NECTIN1: variants seen among roughly 807,000 people sequenced by gnomAD.
NECTIN1 encodes nectin-1.
In NECTIN1, 23 loss-of-function variants were observed where a neutral mutation model predicts 48.0. That is an observed-to-expected ratio of 0.48 (90% CI 0.34 to 0.68). The LOEUF (loss-of-function observed/expected upper bound fraction) is 0.68. Among genes scored for constraint, NECTIN1 ranks in the 30% least tolerant of loss-of-function variants. The pLI is 0.01. For synonymous variants in NECTIN1, 270 were observed against 288.9 expected (o/e 0.93, Z 0.66); for missense variants, 591 against 709.9 (o/e 0.83, Z 1.90).
intron 1 of NECTIN1, among the ~76,000 whole-genome samples, chr11:119,689,266 C>T (rs541326766): frequency 6.6e-6 from 1 of 152,226 alleles, no homozygotes; most frequent in Non-Finnish European, 1.5e-5. Flanking sequence ...TTTCTTTGAA[C>T]ATAGGAGGGC....
At chr11:119,716,838 A>C (rs897284646) in intron 1 of NECTIN1, among the ~76,000 whole-genome samples, 1 of 152,246 alleles carries the variant, frequency 6.6e-6, no homozygotes, top group East Asian at 1.9e-4. Flanking sequence ...AATCAGAAGC[A>C]GGCGCGTGCA....
intron 5 of NECTIN1, chr11:119,674,611 G>A: frequency 6.2e-7 from 1 of 1,614,208 alleles, no homozygotes; most frequent in South Asian, 1.1e-5. Flanking sequence ...CCTAGCTCTT[G>A]TCCTCCCTTT....
Position 119,663,212 on chromosome 11 carries a change from C to G in NECTIN1, c.*1535G>C, listed in dbSNP as rs1343766184. 1 of 985,354 alleles carries G rather than the reference C, an allele frequency of 1.0e-6. No homozygotes were observed. Among genetic ancestry groups the G allele is most frequent in the Non-Finnish European group, 1.2e-6 (1 of 829,956 alleles). The allele number at this position is 985,354 out of a possible 1,614,324, so 61.0% of individuals were successfully genotyped here. On this transcript the variant is annotated 3_prime_UTR_variant, in exon 6 of 6. Transcript: ENST00000264025. ...GGGCCGCGAAGCCTGCCTCTCCATC[C>G]CAGGGTCCTTCCCATGGGCATGCCT...
At chr11:119,700,690 T>C (rs1181514341) in intron 1 of NECTIN1, among the ~76,000 whole-genome samples, 1 of 152,174 alleles carries the variant, frequency 6.6e-6, no homozygotes. Context: ...TGGCGGGATA[T>C]GAAACAGAAT....
At chr11:119,652,233 C>T (rs757283081) in intron 5 of NECTIN1, among the ~76,000 whole-genome samples, 11 of 152,192 alleles carry the variant, frequency 7.2e-5, no homozygotes, top group African/African-American at 2.2e-4. Flanking sequence ...GAACCCCACC[C>T]GGTGTGGTCA....
intron 1 of NECTIN1, 37 bp downstream of exon 1, chr11:119,728,437 TG>T: frequency 6.4e-7 from 1 of 1,552,150 alleles, no homozygotes; most frequent in Non-Finnish European, 8.7e-7. Context: ...GGGGAGGCAT[TG>T]GATGGGGGTG....
intron 5 of NECTIN1, among the ~76,000 whole-genome samples, chr11:119,646,841 C>T (rs929667826): frequency 6.6e-5 from 10 of 152,348 alleles, no homozygotes; most frequent in South Asian, 6.2e-4. Context: ...TGAGCCTCAA[C>T]GTTTTCGTCT....
chr11:119,697,795 A>G (rs1480244175), intron 1 of NECTIN1, among the ~76,000 whole-genome samples: 1 of 152,160 alleles, frequency 6.6e-6, no homozygotes, highest in East Asian at 1.9e-4. Context: ...CTCAACTGGA[A>G]CCCTCTCTTA....
At chr11:119,712,133 C>G (rs938795835) in intron 1 of NECTIN1, among the ~76,000 whole-genome samples, 1 of 152,182 alleles carries the variant, frequency 6.6e-6, no homozygotes, top group Non-Finnish European at 1.5e-5. Flanking sequence ...GCTTGGACTG[C>G]GCACAGGTCA....
chr11:119,682,657 T>C (rs1230282633), intron 1 of NECTIN1, among the ~76,000 whole-genome samples: 4 of 152,164 alleles, frequency 2.6e-5, no homozygotes, highest in African/African-American at 7.2e-5. Flanking sequence ...ACCTGCCCTA[T>C]AAAACTGCGT....
At chr11:119,680,434 A>AG (rs1865039714) in intron 1 of NECTIN1, among the ~76,000 whole-genome samples, 3 of 152,178 alleles carry the variant, frequency 2.0e-5, no homozygotes, top group Admixed American at 6.5e-5. Flanking sequence ...TGACCCCCCA[A>AG]GGGAGTCTGG....
chr11:119,709,653 TGGGGCTG>T lies in NECTIN1; in HGVS notation c.79+18815_79+18821del, dbSNP rs755387928. ...AGCCTGAAAGGAGCCTGGGAAAGAC[TGGGGCTG>T]GGGGCTGGGGGCTGGGAGAGGAGAG... On this transcript the variant is annotated intron_variant, in intron 1 of 5. Coordinates refer to ENST00000264025, the MANE Select transcript of NECTIN1 (RefSeq NM_002855.5). The surrounding 1 kb of genome is among the most constrained non-coding windows in gnomAD (Gnocchi z 4.1). Among the ~76,000 whole-genome samples, 11 of 145,036 alleles carry T rather than the reference TGGGGCTG, an allele frequency of 7.6e-5. No individual in the cohort carries two copies. The highest frequency in any genetic ancestry group is 1.4e-4 in the Non-Finnish European group (9 of 66,262).
Position 119,675,235 on chromosome 11 carries a change from G to C in NECTIN1, c.927C>G (p.Ser309Arg), listed in dbSNP as rs762132456. The C allele has an allele frequency of 3.2e-5, 52 of 1,614,050 alleles. No homozygotes were observed. In the Middle Eastern group the frequency reaches 1.5e-3, roughly 46 times the overall value. ...TLFFKGPINY[S>R]LAGTYICEAT... ...CCTCACAGATGTAGGTCCCTGCCAG[G>C]CTGTAGTTGATGGGTCCCTTGAAGA... is the stretch of plus-strand genomic sequence containing the variant. Residue 309 changes from serine (S) to arginine (R), a missense_variant, in exon 5 of 6, where the codon AGC (serine) becomes AGG (arginine). By Grantham distance (110) the Ser-to-Arg change is moderately radical. Coordinates refer to ENST00000264025, the MANE Select transcript of NECTIN1 (RefSeq NM_002855.5).
At position 119,664,193 on chromosome 11, in the gene NECTIN1, C is replaced by A. The variant is rs369160682; in HGVS notation, c.*554G>T. 1 of 986,942 alleles carries A rather than the reference C, an allele frequency of 1.0e-6. No individual in the cohort carries two copies. The highest frequency in any genetic ancestry group is 1.2e-6 in the Non-Finnish European group (1 of 830,870). The allele number at this position is 986,942 out of a possible 1,614,324, so 61.1% of individuals were successfully genotyped here. On this transcript the variant is annotated 3_prime_UTR_variant, in exon 6 of 6. Coordinates refer to ENST00000264025, the MANE Select transcript of NECTIN1 (RefSeq NM_002855.5). Reference sequence around the variant, plus strand: ...GGAACTGGGGAGAAGCCGCACCCCTCCCCCTACCTCTTGGGCGCACCAGCT... The same window carrying A: ...GGAACTGGGGAGAAGCCGCACCCCTACCCCTACCTCTTGGGCGCACCAGCT...
At chr11:119,660,791 T>G (rs1185677413), downstream of NECTIN1, among the ~76,000 whole-genome samples, 2 of 152,102 alleles carry the variant, frequency 1.3e-5, no homozygotes, top group Admixed American at 1.3e-4. Context: ...AAGTCCATGG[T>G]CTTCTCACTT....
intron 1 of NECTIN1, among the ~76,000 whole-genome samples, chr11:119,723,301 G>A (rs993560944): frequency 6.6e-6 from 1 of 151,892 alleles, no homozygotes; most frequent in Admixed American, 6.6e-5. Context: ...AATTGGTAGA[G>A]GTGGGATTCC....
At chr11:119,707,492 C>T (rs1865569348) in intron 1 of NECTIN1, among the ~76,000 whole-genome samples, 1 of 152,102 alleles carries the variant, frequency 6.6e-6, no homozygotes, top group Non-Finnish European at 1.5e-5. Flanking sequence ...CCATGACACT[C>T]CACAAGGCTG....
At chr11:119,702,320 C>A (rs943891821) in intron 1 of NECTIN1, among the ~76,000 whole-genome samples, 9 of 152,214 alleles carry the variant, frequency 5.9e-5, no homozygotes, top group African/African-American at 2.2e-4. Context: ...CTGGGAAATT[C>A]GTCCTGTGGT....
Position 119,661,287 on chromosome 11 carries a change from G to T in NECTIN1, c.*3460C>A. 4.1e-6 allele frequency: 4 copies of T among 985,930 alleles called. No individual in the cohort carries two copies. The highest frequency in any genetic ancestry group is 1.7e-5 in the African/African-American group (1 of 57,370). 61.1% of individuals were successfully genotyped at this position (985,930 alleles called of 1,614,324 possible). On this transcript the variant is annotated 3_prime_UTR_variant, in exon 6 of 6. Coordinates refer to ENST00000264025, the MANE Select transcript of NECTIN1 (RefSeq NM_002855.5). ...CAAGAATCCCATTCCTCACAGCAGGGGTCAGAAGAGCAGCAGCACCGAGTG... is the reference window on the plus strand; with the variant it reads ...CAAGAATCCCATTCCTCACAGCAGGTGTCAGAAGAGCAGCAGCACCGAGTG...
Sources: allele counts gnomAD v4.1 joint callset (sites outside exome capture counted in the v4.1 genomes callset), GRCh38; gene constraint gnomAD v4.1.1; non-coding constraint Gnocchi (gnomAD v3.1); transcripts MANE v1.5; gene names NCBI Gene and HGNC (gene_info 2026-07-23, HGNC 2026-07-21).